The following WTAP variants were observed in gnomAD, a reference collection of about 807,000 sequenced individuals.
WTAP encodes the protein WT1 associated protein.
Under a neutral mutation model 50.0 loss-of-function variants are expected in WTAP, and 8 were observed. The ratio of observed to expected loss-of-function variants is 0.16; its 90% CI spans 0.09 to 0.29. The LOEUF is 0.29. WTAP is among the 10% of genes least tolerant of loss of function. WTAP has a pLI of 1.00. For synonymous variants in WTAP, 194 were observed against 169.0 expected, an observed-to-expected ratio of 1.15 and a Z score of -1.15; for missense variants, 295 against 470.7, an observed-to-expected ratio of 0.63 and a Z score of 3.45.
intron 2 of WTAP, 135 bp from the exon 3 acceptor site, chr6:159,738,850 TAATAA>T: frequency 1.9e-6 from 1 of 530,074 alleles, no homozygotes; most frequent in East Asian, 3.4e-5. Context: ...AAAACTTTTG[TAATAA>T]AATACTTTTT....
chr6:159,753,594 A>C lies in WTAP; in HGVS notation c.587A>C (p.Glu196Ala). 1 of 1,611,938 alleles carries C rather than the reference A, an allele frequency of 6.2e-7. No individual in the cohort carries two copies. The highest frequency in any genetic ancestry group is 8.5e-7 in the Non-Finnish European group (1 of 1,178,530). The change falls in exon 7 of 8, where the codon GAG (glutamate) becomes GCG (alanine). Residue 196 changes from glutamate to alanine, a missense_variant. Physicochemically the swap from Glu to Ala is moderately radical, Grantham distance 107 (BLOSUM62 -1). Transcript: ENST00000621533. ...GCTTTACAGAAGAAATACAGTGAGG[A>C]GCTTAAAAGCAGTCAGGATGGTAAG... ...ELALQKKYSEELKSSQDELND... is the reference protein window; with the variant it reads ...ELALQKKYSEALKSSQDELND...
At chr6:159,752,078 A>G (rs1382450681) in intron 6 of WTAP, among the ~76,000 whole-genome samples, 1 of 151,654 alleles carries the variant, frequency 6.6e-6, no homozygotes, top group Admixed American at 6.6e-5. Flanking sequence ...AAAAAAAAAA[A>G]TGCTGTAGGT....
rs764336610 is a variant in WTAP at position 159,755,641 on chromosome 6, C to A, written c.*30C>A. ...TTTTCAGCAAATTTTTATACAGTGT[C>A]ATTTAATTTGGGAGAGGATACTGTC... On this transcript the variant is annotated 3_prime_UTR_variant, in exon 8 of 8. Coordinates refer to ENST00000621533, the MANE Select transcript of WTAP (RefSeq NM_001270531.2). The A allele has an allele frequency of 1.3e-6, 2 of 1,539,126 alleles. No individual in the cohort carries two copies. The highest frequency in any genetic ancestry group is 2.3e-5 in the East Asian group (1 of 43,938).
Position 159,755,449 on chromosome 6 carries a change from G to A in WTAP, c.1029G>A (p.Thr343=), listed in dbSNP as rs536683630. Residue 343 remains threonine, a synonymous_variant, in exon 8 of 8, where the codon ACG becomes ACA. Coordinates refer to ENST00000621533, the MANE Select transcript of WTAP (RefSeq NM_001270531.2). The part of the protein sequence containing the change: ...SAGYESVDSP[T]GSENSLTHQS... ...GGTATGAAAGTGTAGACTCTCCCAC[G>A]GGCAGTGAAAACTCTCTCACACACC... 3.1e-6 allele frequency: 5 copies of A among 1,613,930 alleles called. No homozygotes were observed. Among genetic ancestry groups the A allele is most frequent in the Non-Finnish European group, 4.2e-6 (5 of 1,179,988 alleles).
intron 4 of WTAP, among the ~76,000 whole-genome samples, chr6:159,742,425 A>C (rs1779314128): frequency 6.6e-6 from 1 of 152,204 alleles, no homozygotes; most frequent in East Asian, 1.9e-4. Flanking sequence ...GAACTACTTG[A>C]AACTTTTCTT....
intron 2 of WTAP, among the ~76,000 whole-genome samples, chr6:159,738,432 A>C (rs1482362631): frequency 6.6e-6 from 1 of 151,806 alleles, no homozygotes; most frequent in East Asian, 1.9e-4. Context: ...GTTTCTTTTT[A>C]TTGCTTAAAG....
chr6:159,737,841 T>C (rs1421840990), intron 2 of WTAP, among the ~76,000 whole-genome samples: 1 of 152,240 alleles, frequency 6.6e-6, no homozygotes, highest in African/African-American at 2.4e-5. Flanking sequence ...CAGCCTTTAT[T>C]TGGTGTAGTG....
chr6:159,755,044 C>T lies in WTAP; in HGVS notation c.624C>T (p.Ile208=), dbSNP rs749863920. Residue 208 remains isoleucine (I), a synonymous_variant, in exon 8 of 8, where the codon ATC becomes ATT. Transcript: ENST00000621533. ...TTTGCACAGAACTGAATGACTTCATCATCCAGCTTGATGAAGAAGTAGAGG... is the reference window on the plus strand; with the variant it reads ...TTTGCACAGAACTGAATGACTTCATTATCCAGCTTGATGAAGAAGTAGAGG... ...KSSQDELNDF[I]IQLDEEVEGM... 9 of 1,612,286 alleles carry T rather than the reference C, an allele frequency of 5.6e-6. No homozygotes were observed. The highest frequency in any genetic ancestry group is 3.3e-5 in the Admixed American group (2 of 59,894).
At chr6:159,752,422 A>C (rs1232518712) in intron 6 of WTAP, among the ~76,000 whole-genome samples, 2 of 152,230 alleles carry the variant, frequency 1.3e-5, no homozygotes, top group Non-Finnish European at 2.9e-5. Context: ...CTGAGGCTAA[A>C]GAAAAGCAGT....
chr6:159,739,116 T>C, intron 3 of WTAP, 71 bp downstream of exon 3: 1 of 1,249,582 alleles, frequency 8.0e-7, no homozygotes, highest in Non-Finnish European at 1.1e-6. Context: ...ACTGTAATTG[T>C]CTTTGTGCCA....
chr6:159,732,676 T>G (rs570424730), intron 1 of WTAP, among the ~76,000 whole-genome samples: 42 of 152,000 alleles, frequency 2.8e-4, no homozygotes, highest in African/African-American at 8.2e-4. Context: ...ATACAAAAAT[T>G]AGCCGGGCGT....
intron 3 of WTAP, 189 bp from the exon 4 acceptor site, chr6:159,741,899 C>T: frequency 2.1e-6 from 1 of 478,680 alleles, no homozygotes; most frequent in Non-Finnish European, 3.7e-6. Context: ...AGCCCAGACC[C>T]TGTTTGCGCC....
chr6:159,755,766 T>TC lies in WTAP; in HGVS notation c.*155_*156insC. ...TTTTCTTTGTTTTTTTTTTCTTTTC[T>TC]TTTTTTTTTTTTTTTTTTTTTTTTG... is the stretch of plus-strand genomic sequence containing the variant. On this transcript the variant is annotated 3_prime_UTR_variant, in exon 8 of 8. Coordinates refer to ENST00000621533, the MANE Select transcript of WTAP (RefSeq NM_001270531.2). 1 of 154,912 alleles carries TC rather than the reference T, an allele frequency of 6.5e-6. No homozygotes were observed. Among genetic ancestry groups the TC allele is most frequent in the Non-Finnish European group, 9.3e-6 (1 of 107,382 alleles). 9.6% of individuals were successfully genotyped at this position (154,912 alleles called of 1,614,324 possible).
Position 159,755,529 on chromosome 6 carries a change from G to A in WTAP, c.1109G>A (p.Gly370Glu), listed in dbSNP as rs759376375. 6.2e-7 allele frequency: 1 copy of A among 1,614,148 alleles called. No individual in the cohort carries two copies. Among genetic ancestry groups the A allele is most frequent in the South Asian group, 1.1e-5 (1 of 91,076 alleles). The change falls in exon 8 of 8, where the codon GGG becomes GAG. Residue 370 changes from glycine (G) to glutamate (E), a missense_variant. Physicochemically the swap from Gly to Glu is moderately conservative, Grantham distance 98 (BLOSUM62 -2). This residue lies in a region of WTAP where 175 missense variants were observed against 183.1 expected (regional missense o/e 0.96). Transcript: ENST00000621533. The part of the protein sequence containing the change: ...HDPQEEKAVS[G>E]KGNRTVGSRH... ...CCTCAAGAGGAGAAAGCAGTGAGTG[G>A]GAAAGGTAATCGAACTGTGGGTTCC...
chr6:159,737,412 G>C (rs561763933), intron 2 of WTAP, among the ~76,000 whole-genome samples: 2 of 152,170 alleles, frequency 1.3e-5, no homozygotes, highest in South Asian at 2.1e-4. Context: ...TATTTTACTG[G>C]TTAGTATTAT....
chr6:159,733,253 A>G (rs370059598), intron 1 of WTAP, among the ~76,000 whole-genome samples: 69 of 152,346 alleles, frequency 4.5e-4, no homozygotes, highest in African/African-American at 1.6e-3. Flanking sequence ...TCAGTGAAAC[A>G]GACTGTATAC....
rs116383838 is a variant in WTAP, at chr6:159,751,256, T to C, written c.453-2204T>C. 6.0e-3 allele frequency among the ~76,000 whole-genome samples: 910 copies of C among 152,368 alleles called. 9 individuals are homozygous for C. The highest frequency in any genetic ancestry group is 0.021 in the African/African-American group (881 of 41,594). On this transcript the variant is annotated intron_variant, in intron 6 of 7. Coordinates refer to ENST00000621533, the MANE Select transcript of WTAP (RefSeq NM_001270531.2). Reference sequence around the variant, plus strand: ...TTAGACATTTATTTATTAAAAGGTATGACTTTTTAAACGAAACCTTTTTTG... The same window carrying C: ...TTAGACATTTATTTATTAAAAGGTACGACTTTTTAAACGAAACCTTTTTTG...
chr6:159,736,446 G>A (rs759437628), intron 2 of WTAP, 151 bp downstream of exon 2: 1 of 631,280 alleles, frequency 1.6e-6, no homozygotes. Flanking sequence ...CATTGGAGTT[G>A]TACAGTGTGC....
At chr6:159,733,355 G>A (rs1351303341) in intron 1 of WTAP, among the ~76,000 whole-genome samples, 1 of 152,104 alleles carries the variant, frequency 6.6e-6, no homozygotes, top group African/African-American at 2.4e-5. Context: ...AGTGGCTCAC[G>A]CCTGTAATGC....
Sources: allele counts gnomAD v4.1 joint callset (sites outside exome capture counted in the v4.1 genomes callset), GRCh38; gene constraint gnomAD v4.1.1; regional missense constraint gnomAD v4.1.1; transcripts MANE v1.5; gene names NCBI Gene and HGNC (gene_info 2026-07-23, HGNC 2026-07-21).